Variants in ST6GALNAC3 observed in about 807,000 individuals in gnomAD.
The protein encoded by ST6GALNAC3 is ST6 N-acetylgalactosaminide alpha-2,6-sialyltransferase 3, also known as alpha-N-acetylgalactosaminide alpha-2,6-sialyltransferase 3.
In ST6GALNAC3, 25 loss-of-function variants were observed where a neutral mutation model predicts 32.7. The ratio of observed to expected loss-of-function variants is 0.76; its 90% CI spans 0.56 to 1.07. The LOEUF is 1.07. Among genes scored for constraint, ST6GALNAC3 ranks in the 50% least tolerant of loss-of-function variants. The probability of loss-of-function intolerance (pLI) is 0.00; values close to 1 mark genes in which losing one functional copy is unlikely to be tolerated. For synonymous variants in ST6GALNAC3, 129 were observed against 133.1 expected (o/e 0.97, Z 0.21); for missense variants, 355 against 382.4 (o/e 0.93, Z 0.60).
At chr1:76,181,579 T>A in intron 1 of ST6GALNAC3, among the ~76,000 whole-genome samples, 1 of 152,188 alleles carries the variant, frequency 6.6e-6, no homozygotes, top group East Asian at 1.9e-4. Flanking sequence ...CATGCAATAT[T>A]TTATGTGCCT....
At chr1:76,162,513 C>T (rs1220370041) in intron 1 of ST6GALNAC3, among the ~76,000 whole-genome samples, 3 of 152,162 alleles carry the variant, frequency 2.0e-5, no homozygotes, top group Admixed American at 2.0e-4. Flanking sequence ...ATTTTAAGCC[C>T]CAGTTTCTTC....
chr1:76,086,198 C>T (rs1311885319), intron 1 of ST6GALNAC3, among the ~76,000 whole-genome samples: 3 of 152,292 alleles, frequency 2.0e-5, no homozygotes, highest in Non-Finnish European at 4.4e-5. Context: ...ATTAGGGGTG[C>T]AGGAAACAGC....
intron 1 of ST6GALNAC3, among the ~76,000 whole-genome samples, chr1:76,208,820 T>C (rs1654978728): frequency 6.6e-6 from 1 of 152,232 alleles, no homozygotes; most frequent in African/African-American, 2.4e-5. Flanking sequence ...TCTCTCCTAT[T>C]GGATTTACCT....
intron 1 of ST6GALNAC3, among the ~76,000 whole-genome samples, chr1:76,311,094 T>C (rs915416257): frequency 6.6e-6 from 1 of 152,068 alleles, no homozygotes; most frequent in Non-Finnish European, 1.5e-5. Context: ...GTTTCTCACA[T>C]CTTTTTCCAC....
chr1:76,139,692 A>G (rs1650196733), intron 1 of ST6GALNAC3, among the ~76,000 whole-genome samples: 1 of 152,244 alleles, frequency 6.6e-6, no homozygotes. Context: ...TTCTGGGCTC[A>G]GAGCAGATTA....
At chr1:76,467,320 C>G (rs1224238491) in intron 3 of ST6GALNAC3, among the ~76,000 whole-genome samples, 1 of 151,862 alleles carries the variant, frequency 6.6e-6, no homozygotes, top group African/African-American at 2.4e-5. Flanking sequence ...CGTAAGTAGG[C>G]TTTTTGGAAG....
intron 1 of ST6GALNAC3, among the ~76,000 whole-genome samples, chr1:76,305,573 ACT>A (rs1026325631): frequency 2.6e-5 from 4 of 151,812 alleles, no homozygotes; most frequent in Admixed American, 2.6e-4. Context: ...AGTGGTAAAG[ACT>A]CTTTCGGGAA....
chr1:76,392,371 T>C (rs933188526), intron 2 of ST6GALNAC3, among the ~76,000 whole-genome samples: 1 of 152,210 alleles, frequency 6.6e-6, no homozygotes, highest in Admixed American at 6.5e-5. Context: ...TAGCAAAGTA[T>C]GAATAGATAG....
chr1:76,373,243 A>G (rs1236513907), intron 2 of ST6GALNAC3, among the ~76,000 whole-genome samples: 1 of 152,164 alleles, frequency 6.6e-6, no homozygotes, highest in Non-Finnish European at 1.5e-5. Context: ...GGTTCAAATT[A>G]TGCCTCTAGT....
chr1:76,088,228 G>GA (rs1646989886), intron 1 of ST6GALNAC3, among the ~76,000 whole-genome samples: 1 of 152,090 alleles, frequency 6.6e-6, no homozygotes, highest in Non-Finnish European at 1.5e-5. Context: ...TTTGACCCTG[G>GA]CATCTATAAC....
intron 2 of ST6GALNAC3, among the ~76,000 whole-genome samples, chr1:76,359,229 G>A (rs1570956116): frequency 6.6e-6 from 1 of 152,100 alleles, no homozygotes; most frequent in African/African-American, 2.4e-5. Context: ...AAATATAGTG[G>A]TTGAATTATG....
chr1:76,604,912 C>G (rs563154494), intron 3 of ST6GALNAC3, among the ~76,000 whole-genome samples: 1 of 152,256 alleles, frequency 6.6e-6, no homozygotes, highest in South Asian at 2.1e-4. Context: ...TTTATTTTCT[C>G]TAATCCTTTG....
chr1:76,218,927 G>A (rs1036654766), intron 1 of ST6GALNAC3, among the ~76,000 whole-genome samples: 15 of 152,102 alleles, frequency 9.9e-5, no homozygotes, highest in Non-Finnish European at 1.8e-4. Context: ...AGGCACTAAG[G>A]GATTTGCATG....
At chr1:76,085,190 C>T (rs952170187) in intron 1 of ST6GALNAC3, among the ~76,000 whole-genome samples, 1 of 152,148 alleles carries the variant, frequency 6.6e-6, no homozygotes, top group African/African-American at 2.4e-5. Context: ...TATTGAAACA[C>T]AGCCATGCTT....
chr1:76,491,437 T>C (rs1479124478), intron 3 of ST6GALNAC3, among the ~76,000 whole-genome samples: 2 of 152,164 alleles, frequency 1.3e-5, no homozygotes, highest in Non-Finnish European at 2.9e-5. Context: ...ACTTGTTTCC[T>C]ACTTCTTCCA....
intron 1 of ST6GALNAC3, among the ~76,000 whole-genome samples, chr1:76,249,227 A>G (rs1279155581): frequency 6.6e-6 from 1 of 152,152 alleles, no homozygotes; most frequent in African/African-American, 2.4e-5. Flanking sequence ...CCTTCTACAA[A>G]CTAAGTATCT....
At chr1:76,231,985 C>G (rs113059666) in intron 1 of ST6GALNAC3, among the ~76,000 whole-genome samples, 2 of 152,196 alleles carry the variant, frequency 1.3e-5, no homozygotes, top group Admixed American at 1.3e-4. Context: ...ATTTTGACAA[C>G]AAGGCTTCGA....
chr1:76,109,860 C>T (rs1461461032), intron 1 of ST6GALNAC3, among the ~76,000 whole-genome samples: 6 of 152,190 alleles, frequency 3.9e-5, no homozygotes, highest in Non-Finnish European at 8.8e-5. Flanking sequence ...TTCTTTCAAG[C>T]ACAGGTTTAG....
intron 3 of ST6GALNAC3, among the ~76,000 whole-genome samples, chr1:76,473,856 CA>C (rs1228530632): frequency 6.6e-6 from 1 of 151,920 alleles, no homozygotes; most frequent in East Asian, 1.9e-4. Flanking sequence ...CAGGATAAGG[CA>C]AAAGTAGCAC....
Sources: gnomAD v4.1 joint callset for allele counts (sites outside exome capture counted in the v4.1 genomes callset) on GRCh38, gnomAD v4.1.1 for gene constraint, MANE v1.5 for transcripts, NCBI Gene and HGNC (gene_info 2026-07-23, HGNC 2026-07-21) for gene names.